NCAM2: variants seen among roughly 807,000 people sequenced by gnomAD.
NCAM2 encodes the protein neural cell adhesion molecule 2.
Under a neutral mutation model 98.1 loss-of-function variants are expected in NCAM2, and 30 were observed. The ratio of observed to expected loss-of-function variants is 0.31; its 90% CI spans 0.23 to 0.41. The LOEUF (loss-of-function observed/expected upper bound fraction) is 0.41. Among genes scored for constraint, NCAM2 ranks in the 10% least tolerant of loss-of-function variants. The pLI is 1.00. For synonymous variants in NCAM2, 368 were observed against 342.4 expected (o/e 1.07, Z -0.83); for missense variants, 867 against 1,005.8 (o/e 0.86, Z 1.87).
Position 21,247,451 on chromosome 21 carries a change from A to T in NCAM2, c.56-33127A>T, listed in dbSNP as rs73896627. On this transcript the variant is annotated intron_variant, in intron 1 of 17. Coordinates refer to ENST00000400546, the MANE Select transcript of NCAM2 (RefSeq NM_004540.5). ...AAATTAAAAGTTTAAGATCTCTTTTATCTTAGAATATCTGCATTTCACTAA... is the reference window on the plus strand; with the variant it reads ...AAATTAAAAGTTTAAGATCTCTTTTTTCTTAGAATATCTGCATTTCACTAA... 3.8e-3 allele frequency among the ~76,000 whole-genome samples: 574 copies of T among 152,368 alleles called. 5 individuals are homozygous for T. Among genetic ancestry groups the T allele is most frequent in the African/African-American group, 0.013 (548 of 41,588 alleles).
intron 1 of NCAM2, among the ~76,000 whole-genome samples, chr21:21,230,971 G>C (rs752569729): frequency 9.3e-5 from 14 of 151,244 alleles, no homozygotes; most frequent in Non-Finnish European, 1.8e-4. Context: ...CACAATTTGG[G>C]AAATTATAAC....
At chr21:21,251,526 G>T (rs2071469732) in intron 1 of NCAM2, among the ~76,000 whole-genome samples, 1 of 152,088 alleles carries the variant, frequency 6.6e-6, no homozygotes, top group African/African-American at 2.4e-5. Context: ...TGGTGTCTGT[G>T]TGCCACATTT....
chr21:21,520,780 G>A (rs545724857), intron 16 of NCAM2, among the ~76,000 whole-genome samples: 90 of 152,254 alleles, frequency 5.9e-4, no homozygotes, highest in Middle Eastern at 3.4e-3. Flanking sequence ...AAGCAGAAAC[G>A]TCTGTGAGAA....
At chr21:21,480,226 G>A (rs900187262) in intron 15 of NCAM2, among the ~76,000 whole-genome samples, 11 of 151,996 alleles carry the variant, frequency 7.2e-5, no homozygotes, top group African/African-American at 2.7e-4. Flanking sequence ...AATTAGCTGG[G>A]CGTACTGGCG....
chr21:21,350,543 C>T (rs2075306918), intron 8 of NCAM2, among the ~76,000 whole-genome samples: 1 of 152,076 alleles, frequency 6.6e-6, no homozygotes, highest in Non-Finnish European at 1.5e-5. Flanking sequence ...CCCTTCCTTG[C>T]TTTGAGGAAG....
chr21:21,033,714 A>C (rs995874619), intron 1 of NCAM2, among the ~76,000 whole-genome samples: 2 of 152,166 alleles, frequency 1.3e-5, no homozygotes, highest in Non-Finnish European at 2.9e-5. Context: ...AGCTGCCCTC[A>C]GAAAGAATAG....
intron 15 of NCAM2, among the ~76,000 whole-genome samples, chr21:21,488,032 G>T (rs1183273074): frequency 6.6e-6 from 1 of 152,024 alleles, no homozygotes; most frequent in African/African-American, 2.4e-5. Context: ...ACATGAACAA[G>T]ATTGAAATTA....
chr21:21,396,172 A>C (rs904931520), intron 9 of NCAM2, among the ~76,000 whole-genome samples: 1 of 152,060 alleles, frequency 6.6e-6, no homozygotes, highest in East Asian at 1.9e-4. Flanking sequence ...AAAAAAAAAA[A>C]AATACCATCA....
chr21:21,173,258 A>G (rs2068179683), intron 1 of NCAM2, among the ~76,000 whole-genome samples: 1 of 152,210 alleles, frequency 6.6e-6, no homozygotes, highest in South Asian at 2.1e-4. Context: ...GTTCATTGGA[A>G]AGAAAGTGGA....
intron 8 of NCAM2, among the ~76,000 whole-genome samples, chr21:21,361,130 T>C (rs930962320): frequency 8.5e-5 from 13 of 152,096 alleles, no homozygotes; most frequent in African/African-American, 2.7e-4. Context: ...CTGGATTTCA[T>C]CCACTCTAAC....
chr21:21,124,516 A>C (rs376603201), intron 1 of NCAM2, among the ~76,000 whole-genome samples: 81 of 152,290 alleles, frequency 5.3e-4, no homozygotes, highest in African/African-American at 1.9e-3. Flanking sequence ...TTGAAATAGT[A>C]ACAATGGAAA....
At chr21:21,361,505 A>G (rs568538122) in intron 8 of NCAM2, among the ~76,000 whole-genome samples, 6 of 151,930 alleles carry the variant, frequency 3.9e-5, no homozygotes, top group Non-Finnish European at 2.9e-5. Flanking sequence ...TCTTTTGATC[A>G]TTCTTTGTCT....
chr21:21,360,431 G>A (rs1422259829), intron 8 of NCAM2, among the ~76,000 whole-genome samples: 4 of 151,942 alleles, frequency 2.6e-5, no homozygotes, highest in African/African-American at 9.7e-5. Flanking sequence ...AATCCACAAA[G>A]TTTTTGTCTG....
At chr21:21,240,272 T>C (rs1415357389) in intron 1 of NCAM2, among the ~76,000 whole-genome samples, 4 of 151,972 alleles carry the variant, frequency 2.6e-5, no homozygotes, top group African/African-American at 9.7e-5. Flanking sequence ...TCTTAAAAAG[T>C]AATGTGCCAA....
At chr21:21,268,322 T>A (rs1018852912) in intron 1 of NCAM2, among the ~76,000 whole-genome samples, 2 of 152,188 alleles carry the variant, frequency 1.3e-5, no homozygotes, top group Non-Finnish European at 2.9e-5. Flanking sequence ...GCTGCATGTT[T>A]GGGTTTTGGG....
At chr21:21,333,827 A>C (rs893695393) in intron 6 of NCAM2, among the ~76,000 whole-genome samples, 1 of 152,162 alleles carries the variant, frequency 6.6e-6, no homozygotes, top group Non-Finnish European at 1.5e-5. Context: ...TGTATCCCTA[A>C]TTATGATGAA....
rs2076099261 is a variant in NCAM2, at chr21:21,379,329, TGTA to T, written c.1195+5318_1195+5320del. ...ATTTTGAATTCACCATGCACTTAGT[TGTA>T]GATTTTTTAGGTGGAATCTTAGTAT... is the stretch of plus-strand genomic sequence containing the variant. On this transcript the variant is annotated intron_variant, in intron 9 of 17. Coordinates refer to ENST00000400546, the MANE Select transcript of NCAM2 (RefSeq NM_004540.5). 2.0e-5 allele frequency among the ~76,000 whole-genome samples: 3 copies of T among 152,212 alleles called. No homozygotes were observed. In the South Asian group the frequency reaches 6.2e-4, roughly 32 times the overall value.
chr21:21,293,815 G>A (rs1036407970), intron 5 of NCAM2, among the ~76,000 whole-genome samples: 1 of 151,634 alleles, frequency 6.6e-6, no homozygotes, highest in Non-Finnish European at 1.5e-5. Context: ...ATATGTAAGT[G>A]TATTTCATCA....
chr21:21,107,371 A>G (rs2066370624), intron 1 of NCAM2, among the ~76,000 whole-genome samples: 1 of 152,042 alleles, frequency 6.6e-6, no homozygotes, highest in African/African-American at 2.4e-5. Context: ...CTCAAAAACT[A>G]TATCTGATGT....
Sources: allele counts gnomAD v4.1 joint callset (sites outside exome capture counted in the v4.1 genomes callset), GRCh38; gene constraint gnomAD v4.1.1; transcripts MANE v1.5; gene names NCBI Gene and HGNC (gene_info 2026-07-23, HGNC 2026-07-21).